The following SLC39A11 variants were observed in gnomAD, a reference collection of about 807,000 sequenced individuals.
SLC39A11 encodes the protein zinc transporter ZIP11.
SLC39A11 carries 33 observed loss-of-function variants against 36.1 expected under a neutral mutation model. The ratio of observed to expected loss-of-function variants is 0.91; its 90% CI spans 0.69 to 1.22. SLC39A11 has a LOEUF of 1.22. Among genes scored for constraint, SLC39A11 ranks in the 50% most tolerant of loss-of-function variants. SLC39A11 has a pLI of 0.00. For synonymous variants in SLC39A11, 166 were observed against 170.3 expected, an observed-to-expected ratio of 0.97 and a Z score of 0.20; for missense variants, 432 against 430.3, an observed-to-expected ratio of 1.00 and a Z score of -0.03.
intron 4 of SLC39A11, among the ~76,000 whole-genome samples, chr17:72,960,652 A>AATTT (rs2086551323): frequency 1.3e-5 from 2 of 151,746 alleles, no homozygotes; most frequent in African/African-American, 2.4e-5. Context: ...AAATTAAATT[A>AATTT]AATTTAATTA....
intron 5 of SLC39A11, among the ~76,000 whole-genome samples, chr17:72,909,815 G>A (rs180809031): frequency 6.1e-5 from 9 of 148,364 alleles, no homozygotes; most frequent in South Asian, 2.1e-4. Flanking sequence ...GCGTGATCTC[G>A]GCTCACTGCA....
intron 6 of SLC39A11, among the ~76,000 whole-genome samples, chr17:72,774,626 G>A (rs1396974271): frequency 1.3e-5 from 2 of 152,146 alleles, no homozygotes; most frequent in Non-Finnish European, 2.9e-5. Flanking sequence ...CTCTGATCTT[G>A]CATTAATTGG....
intron 5 of SLC39A11, among the ~76,000 whole-genome samples, chr17:72,933,767 G>A (rs1212670948): frequency 1.3e-5 from 2 of 152,124 alleles, no homozygotes; most frequent in African/African-American, 2.4e-5. Flanking sequence ...CGATCCACCC[G>A]ACTCAGCCTC....
chr17:72,932,111 C>CGT (rs1020704420), intron 5 of SLC39A11, among the ~76,000 whole-genome samples: 4 of 152,120 alleles, frequency 2.6e-5, no homozygotes, highest in African/African-American at 9.6e-5. Context: ...GACAGAATAA[C>CGT]TAACATTCAT....
At chr17:72,865,357 G>C (rs1396889446) in intron 5 of SLC39A11, among the ~76,000 whole-genome samples, 1 of 133,984 alleles carries the variant, frequency 7.5e-6, no homozygotes, top group Non-Finnish European at 1.6e-5. Flanking sequence ...AACAGAGAGA[G>C]ACAAAAAGGA....
chr17:72,944,635 T>C (rs1306232434), intron 5 of SLC39A11, among the ~76,000 whole-genome samples: 1 of 152,202 alleles, frequency 6.6e-6, no homozygotes, highest in Non-Finnish European at 1.5e-5. Context: ...AAAGAACTCC[T>C]GGCCTCATTT....
At chr17:72,945,013 T>G (rs1247745672) in intron 5 of SLC39A11, among the ~76,000 whole-genome samples, 1 of 147,872 alleles carries the variant, frequency 6.8e-6, no homozygotes, top group Non-Finnish European at 1.5e-5. Context: ...CCGATGTCAT[T>G]ATATTTTTAA....
At chr17:73,004,394 G>T (rs1270275900) in intron 4 of SLC39A11, among the ~76,000 whole-genome samples, 1 of 152,160 alleles carries the variant, frequency 6.6e-6, no homozygotes. Context: ...TCTTCTTGCC[G>T]TGTCCTCACA....
Position 72,933,838 on chromosome 17 carries a change from G to C in SLC39A11, c.430+13914C>G, listed in dbSNP as rs532486557. Among the ~76,000 whole-genome samples the C allele has an allele frequency of 1.2e-4, 18 of 152,176 alleles. No individual in the cohort carries two copies. The South Asian group carries it at 1.2e-3, about 11-fold the overall frequency. ...CCTGGTGCCATTAGGATTTTTTGTAGATATTGGCAAGCTGATTCTAAAATG... is the reference window on the plus strand; with the variant it reads ...CCTGGTGCCATTAGGATTTTTTGTACATATTGGCAAGCTGATTCTAAAATG... On this transcript the variant is annotated intron_variant, in intron 5 of 9. Coordinates refer to ENST00000255559, the MANE Select transcript of SLC39A11 (RefSeq NM_139177.4).
chr17:72,832,275 T>C, intron 6 of SLC39A11, among the ~76,000 whole-genome samples: 1 of 152,212 alleles, frequency 6.6e-6, no homozygotes, highest in Admixed American at 6.5e-5. Context: ...TGAAATGGCT[T>C]GGAAGTCTAG....
At chr17:72,878,266 ACT>A in intron 5 of SLC39A11, among the ~76,000 whole-genome samples, 1 of 152,072 alleles carries the variant, frequency 6.6e-6, no homozygotes, top group Non-Finnish European at 1.5e-5. Flanking sequence ...AGGGACCTTG[ACT>A]CTGTCAACCG....
intron 4 of SLC39A11, among the ~76,000 whole-genome samples, chr17:72,998,098 G>T (rs563254482): frequency 3.9e-5 from 6 of 152,264 alleles, no homozygotes; most frequent in African/African-American, 1.4e-4. Flanking sequence ...GATGAAAAAG[G>T]CGTTAAATTT....
chr17:72,930,895 C>T (rs1057115357), intron 5 of SLC39A11, among the ~76,000 whole-genome samples: 11 of 152,154 alleles, frequency 7.2e-5, no homozygotes, highest in Non-Finnish European at 1.3e-4. Context: ...GGAAGGACCC[C>T]AGGGTGGCAT....
chr17:73,026,531 A>AAAG (rs1555683321), intron 4 of SLC39A11, among the ~76,000 whole-genome samples: 1 of 150,316 alleles, frequency 6.7e-6, no homozygotes, highest in Non-Finnish European at 1.5e-5. Flanking sequence ...AAAAAAAAAA[A>AAAG]AAAGAAAGAA....
At chr17:72,877,272 T>C (rs1159829728) in intron 5 of SLC39A11, among the ~76,000 whole-genome samples, 3 of 152,228 alleles carry the variant, frequency 2.0e-5, no homozygotes, top group African/African-American at 7.2e-5. Flanking sequence ...TTCCTGTCTT[T>C]CCAATCTAAC....
At chr17:72,935,991 G>A (rs1012567626) in intron 5 of SLC39A11, among the ~76,000 whole-genome samples, 5 of 151,280 alleles carry the variant, frequency 3.3e-5, no homozygotes, top group Admixed American at 3.3e-4. Flanking sequence ...GAGCTAAGGA[G>A]TTTGAGACCA....
intron 7 of SLC39A11, among the ~76,000 whole-genome samples, chr17:72,727,671 A>C (rs76210600): frequency 6.7e-6 from 1 of 148,466 alleles, no homozygotes; most frequent in Non-Finnish European, 1.5e-5. Flanking sequence ...AAAAAAAAAA[A>C]AGAAAGAAGC....
chr17:72,819,070 C>T (rs2077680402), intron 6 of SLC39A11: 1 of 151,950 alleles, frequency 6.6e-6, no homozygotes, highest in African/African-American at 2.4e-5. Context: ...TGTCTCTCCC[C>T]CAAATTAATA....
chr17:72,797,987 G>A (rs372400635), intron 6 of SLC39A11, among the ~76,000 whole-genome samples: 3 of 152,240 alleles, frequency 2.0e-5, no homozygotes, highest in South Asian at 2.1e-4. Flanking sequence ...TGGGAGTGAC[G>A]AGAAAAGGAG....
Sources: allele counts gnomAD v4.1 joint callset (sites outside exome capture counted in the v4.1 genomes callset), GRCh38; gene constraint gnomAD v4.1.1; transcripts MANE v1.5; gene names NCBI Gene and HGNC (gene_info 2026-07-23, HGNC 2026-07-21).